Variants in KIRREL3 observed in about 807,000 individuals in gnomAD.
KIRREL3 encodes kin of IRRE-like protein 3.
Under a neutral mutation model 89.7 loss-of-function variants are expected in KIRREL3, and 36 were observed. That is an observed-to-expected ratio of 0.40 (90% CI 0.31 to 0.53). The LOEUF (loss-of-function observed/expected upper bound fraction) is 0.53, where lower values mean the gene tolerates loss of function less well. KIRREL3 is among the 20% of genes least tolerant of loss of function. The probability of loss-of-function intolerance (pLI) is 0.49; values close to 1 mark genes in which losing one functional copy is unlikely to be tolerated. For synonymous variants in KIRREL3, 445 were observed against 441.4 expected (o/e 1.01, Z -0.10); for missense variants, 864 against 1,056.6 (o/e 0.82, Z 2.53).
At chr11:126,712,106 G>A (rs1212722529) in intron 1 of KIRREL3, among the ~76,000 whole-genome samples, 1 of 152,232 alleles carries the variant, frequency 6.6e-6, no homozygotes, top group African/African-American at 2.4e-5. Flanking sequence ...AACAGGAAAA[G>A]CAAAACAGCG....
At chr11:126,988,825 G>T (rs904139279) in intron 1 of KIRREL3, among the ~76,000 whole-genome samples, 1 of 152,308 alleles carries the variant, frequency 6.6e-6, no homozygotes, top group East Asian at 1.9e-4. Context: ...ATCTCCCCGT[G>T]GCTGGTCCCC....
chr11:126,731,622 C>T (rs781676105), intron 1 of KIRREL3, among the ~76,000 whole-genome samples: 3 of 152,206 alleles, frequency 2.0e-5, no homozygotes, highest in Non-Finnish European at 4.4e-5. Context: ...TTGCACACCT[C>T]GTTGCTGGAA....
chr11:126,445,035 C>T lies in KIRREL3; in HGVS notation c.1196G>A (p.Arg399Gln), dbSNP rs375260772. ...GGCTCCCACACGGGGCACCACAGCC[C>T]GGCACACGTACTTGCCCGCGTCCTC... The part of the protein sequence containing the change: ...RQEDAGKYVC[R>Q]AVVPRVGAGE... Residue 399 changes from arginine (R) to glutamine (Q), a missense_variant, in exon 10 of 17, where the codon CGG (arginine) becomes CAG (glutamine). Coordinates refer to ENST00000525144, the MANE Select transcript of KIRREL3 (RefSeq NM_032531.4). 51 of 1,613,856 alleles carry T rather than the reference C, an allele frequency of 3.2e-5. No individual in the cohort carries two copies. Among genetic ancestry groups the T allele is most frequent in the South Asian group, 7.7e-5 (7 of 91,088 alleles).
intron 7 of KIRREL3, among the ~76,000 whole-genome samples, chr11:126,449,702 C>G (rs561675283): frequency 1.3e-5 from 2 of 152,352 alleles, no homozygotes; most frequent in African/African-American, 4.8e-5. Context: ...CATCTCCCGT[C>G]CAAACAGTGG....
intron 2 of KIRREL3, among the ~76,000 whole-genome samples, chr11:126,546,346 G>C (rs901112089): frequency 6.6e-4 from 100 of 152,262 alleles, no homozygotes; most frequent in African/African-American, 2.2e-3. Context: ...AGATGGAATG[G>C]GGTCTTAGTT....
Position 126,429,246 on chromosome 11 carries a change from T to C in KIRREL3, c.1739A>G (p.Glu580Gly), listed in dbSNP as rs1955044026. The C allele has an allele frequency of 1.2e-6, 2 of 1,613,918 alleles. No homozygotes were observed. The highest frequency in any genetic ancestry group is 2.7e-5 in the African/African-American group (2 of 75,032). Residue 580 changes from glutamate to glycine, a missense_variant, in exon 15 of 17, where the codon GAA (glutamate) becomes GGA (glycine). Glu to Gly is a moderately conservative substitution (Grantham distance 98, BLOSUM62 -2). Coordinates refer to ENST00000525144, the MANE Select transcript of KIRREL3 (RefSeq NM_032531.4). The surrounding 1 kb of genome is among the most constrained non-coding windows in gnomAD (Gnocchi z 5.2). Reference protein sequence around the residue: ...VVSAKNDIRVEIVHKEPASGR... With the variant: ...VVSAKNDIRVGIVHKEPASGR... ...AGAGGCTGGTTCCTTGTGGACAATT[T>C]CCACTCGGATATCATTTTTGGCTGA...
intron 1 of KIRREL3, among the ~76,000 whole-genome samples, chr11:126,695,949 G>A (rs1188433730): frequency 2.0e-5 from 3 of 152,168 alleles, no homozygotes; most frequent in Non-Finnish European, 4.4e-5. Context: ...CTCCTCATAT[G>A]CTTTGCTAAG....
chr11:126,818,639 G>GTA (rs1343319717), intron 1 of KIRREL3, among the ~76,000 whole-genome samples: 1 of 151,902 alleles, frequency 6.6e-6, no homozygotes. Flanking sequence ...GTGTGTGTGT[G>GTA]TGTGTGTGTG....
intron 2 of KIRREL3, among the ~76,000 whole-genome samples, chr11:126,534,411 C>G (rs1045280948): frequency 1.3e-5 from 2 of 152,202 alleles, no homozygotes; most frequent in Admixed American, 6.5e-5. Flanking sequence ...GGAAACACAG[C>G]GGTCTCTCTC....
chr11:126,461,393 C>T (rs949939342), intron 6 of KIRREL3, among the ~76,000 whole-genome samples: 3 of 152,216 alleles, frequency 2.0e-5, no homozygotes, highest in African/African-American at 7.2e-5. Context: ...GCCCTGCTTG[C>T]ACTGTGTGCC....
chr11:126,472,379 G>C (rs984309182), intron 5 of KIRREL3, among the ~76,000 whole-genome samples: 2 of 152,114 alleles, frequency 1.3e-5, no homozygotes, highest in African/African-American at 4.8e-5. Context: ...CAGACACCTG[G>C]TTCATAGATG....
At chr11:126,580,496 C>A (rs112875023) in intron 1 of KIRREL3, among the ~76,000 whole-genome samples, 4,168 of 152,176 alleles carry the variant, frequency 0.027, 183 homozygotes, top group African/African-American at 0.095. Flanking sequence ...GAAGGCAGGA[C>A]CTGTGCAGGG....
intron 1 of KIRREL3, among the ~76,000 whole-genome samples, chr11:126,914,610 C>T (rs1331218131): frequency 6.6e-6 from 1 of 152,232 alleles, no homozygotes; most frequent in Non-Finnish European, 1.5e-5. Flanking sequence ...AGATTTGCAG[C>T]TCACCTTGTC....
At chr11:126,534,559 G>C (rs1189218756) in intron 2 of KIRREL3, among the ~76,000 whole-genome samples, 1 of 152,200 alleles carries the variant, frequency 6.6e-6, no homozygotes, top group African/African-American at 2.4e-5. Flanking sequence ...CTCTGAGTGA[G>C]AGTCCCTGTC....
At position 126,918,601 on chromosome 11, in the gene KIRREL3, A is replaced by G. The variant is rs944393778; in HGVS notation, c.55+81854T>C. On this transcript the variant is annotated intron_variant, in intron 1 of 16. Coordinates refer to ENST00000525144, the MANE Select transcript of KIRREL3 (RefSeq NM_032531.4). The surrounding 1 kb of genome is among the most constrained non-coding windows in gnomAD (Gnocchi z 6.5). The stretch of plus-strand genomic sequence containing the variant: ...AGGTACATTTACACAGAGAACTAAA[A>G]TGATACATTCTCTGCCTCCTAGGAG... 6.6e-6 allele frequency among the ~76,000 whole-genome samples: 1 copy of G among 152,252 alleles called. No individual in the cohort carries two copies. The highest frequency in any genetic ancestry group is 1.5e-5 in the Non-Finnish European group (1 of 68,030).
intron 7 of KIRREL3, among the ~76,000 whole-genome samples, chr11:126,450,369 G>GCA (rs1177000943): frequency 2.0e-4 from 31 of 151,414 alleles, no homozygotes; most frequent in African/African-American, 4.4e-4. Context: ...GTGTGCATGT[G>GCA]TGAGTGTGCA....
intron 1 of KIRREL3, among the ~76,000 whole-genome samples, chr11:126,751,178 C>T (rs1048857229): frequency 1.3e-4 from 20 of 152,326 alleles, no homozygotes; most frequent in Admixed American, 1.1e-3. Context: ...GCTGGATGAA[C>T]TTCCCCCTCA....
Position 126,805,284 on chromosome 11 carries a change from A to G in KIRREL3, c.55+195171T>C, listed in dbSNP as rs1206545840. Among the ~76,000 whole-genome samples the G allele has an allele frequency of 1.3e-5, 2 of 152,178 alleles. No homozygotes were observed. Among genetic ancestry groups the G allele is most frequent in the African/African-American group, 4.8e-5 (2 of 41,436 alleles). ...GTTTATGAAATTAGGGCTCATACTG[A>G]AGGTCAGGAGAAGGGCTGCCATTCA... On this transcript the variant is annotated intron_variant, in intron 1 of 16. Transcript: ENST00000525144. The surrounding 1 kb of genome is among the most constrained non-coding windows in gnomAD (Gnocchi z 4.3).
chr11:126,503,004 T>C (rs573539896), intron 4 of KIRREL3, among the ~76,000 whole-genome samples: 14 of 152,300 alleles, frequency 9.2e-5, no homozygotes, highest in Non-Finnish European at 1.9e-4. Flanking sequence ...TATAAAAACA[T>C]GAACTAAAAG....
Sources: gnomAD v4.1 joint callset for allele counts (sites outside exome capture counted in the v4.1 genomes callset) on GRCh38, gnomAD v4.1.1 for gene constraint, Gnocchi (gnomAD v3.1) non-coding constraint, MANE v1.5 for transcripts, NCBI Gene and HGNC (gene_info 2026-07-23, HGNC 2026-07-21) for gene names.